Variants in MAGI2 observed in about 807,000 individuals in gnomAD.
MAGI2 encodes the protein membrane associated guanylate kinase, WW and PDZ domain containing 2, also known as membrane-associated guanylate kinase, WW and PDZ domain-containing protein 2.
A neutral mutation model predicts 133.3 loss-of-function variants in MAGI2; 35 were observed. That is an observed-to-expected ratio of 0.26 (90% CI 0.20 to 0.35). The LOEUF (loss-of-function observed/expected upper bound fraction) is 0.35, where lower values mean the gene tolerates loss of function less well. Ranked by LOEUF, MAGI2 falls within the 10% of genes least tolerant of loss-of-function variation. The probability of loss-of-function intolerance (pLI) is 1.00; values close to 1 mark genes in which losing one functional copy is unlikely to be tolerated. For synonymous variants in MAGI2, 729 were observed against 710.6 expected (o/e 1.03, Z -0.41); for missense variants, 1,636 against 1,863.4 (o/e 0.88, Z 2.25).
chr7:78,999,695 C>T (rs1806662910), intron 2 of MAGI2, among the ~76,000 whole-genome samples: 1 of 152,106 alleles, frequency 6.6e-6, no homozygotes, highest in Non-Finnish European at 1.5e-5. Context: ...CAAGTATATG[C>T]TACTGTTTAG....
chr7:78,224,969 C>G (rs947697023), intron 10 of MAGI2, among the ~76,000 whole-genome samples: 1 of 152,086 alleles, frequency 6.6e-6, no homozygotes, highest in Non-Finnish European at 1.5e-5. Context: ...CTGCTACCCC[C>G]GCCTTCCCTC....
intron 21 of MAGI2, among the ~76,000 whole-genome samples, chr7:78,068,933 A>C (rs1814143301): frequency 6.6e-6 from 1 of 152,228 alleles, no homozygotes; most frequent in Non-Finnish European, 1.5e-5. Flanking sequence ...TGGAGAAAAC[A>C]GCTTTGGCAT....
chr7:78,134,576 G>A (rs542625208), intron 17 of MAGI2: 1 of 157,098 alleles, frequency 6.4e-6, no homozygotes, highest in East Asian at 1.9e-4. Flanking sequence ...TTCTAAATGA[G>A]CTCTCCTTAT....
At chr7:78,699,387 C>A (rs1459259882) in intron 2 of MAGI2, among the ~76,000 whole-genome samples, 2 of 152,154 alleles carry the variant, frequency 1.3e-5, no homozygotes, top group Non-Finnish European at 2.9e-5. Flanking sequence ...TAGTGTGAGC[C>A]ACCACATCTG....
chr7:78,850,465 A>G (rs1051608028), intron 2 of MAGI2, among the ~76,000 whole-genome samples: 5 of 152,252 alleles, frequency 3.3e-5, no homozygotes, highest in African/African-American at 9.6e-5. Flanking sequence ...GTTTGCTCCA[A>G]GTTTTGCTAA....
intron 2 of MAGI2, among the ~76,000 whole-genome samples, chr7:78,789,896 A>G (rs961333915): frequency 4.6e-5 from 7 of 152,172 alleles, no homozygotes; most frequent in African/African-American, 1.7e-4. Flanking sequence ...CCATTTTGAA[A>G]TAAAATGAAA....
chr7:79,344,674 T>C (rs529637246), intron 1 of MAGI2, among the ~76,000 whole-genome samples: 3 of 152,310 alleles, frequency 2.0e-5, no homozygotes, highest in East Asian at 1.9e-4. Flanking sequence ...CAGTATTAAA[T>C]GGCAGGGATG....
intron 9 of MAGI2, among the ~76,000 whole-genome samples, chr7:78,326,864 T>C (rs556212607): frequency 2.0e-5 from 3 of 152,264 alleles, no homozygotes; most frequent in Admixed American, 2.0e-4. Flanking sequence ...ATCACTGCCT[T>C]TCCCCTCCCT....
intron 3 of MAGI2, among the ~76,000 whole-genome samples, chr7:78,573,341 T>A (rs1214435553): frequency 1.5e-5 from 1 of 68,726 alleles, no homozygotes; most frequent in Non-Finnish European, 2.4e-5. Context: ...TAAATATATA[T>A]ATATAGAGAG....
intron 2 of MAGI2, among the ~76,000 whole-genome samples, chr7:78,813,106 C>T (rs1169295113): frequency 6.6e-6 from 1 of 152,136 alleles, no homozygotes; most frequent in Non-Finnish European, 1.5e-5. Flanking sequence ...CAGATGGTTT[C>T]ACGGGCAAAT....
At chr7:78,064,457 G>A (rs1407355881) in intron 21 of MAGI2, among the ~76,000 whole-genome samples, 2 of 151,986 alleles carry the variant, frequency 1.3e-5, no homozygotes, top group Non-Finnish European at 2.9e-5. Flanking sequence ...TGTCTTTTAT[G>A]TTAAATTCTA....
intron 6 of MAGI2, among the ~76,000 whole-genome samples, chr7:78,472,795 G>C (rs1791356096): frequency 6.6e-6 from 1 of 152,100 alleles, no homozygotes; most frequent in Non-Finnish European, 1.5e-5. Flanking sequence ...TTCAGTTTCT[G>C]CTTATGATAG....
chr7:78,353,403 G>A (rs145670458), intron 7 of MAGI2, among the ~76,000 whole-genome samples: 128 of 152,324 alleles, frequency 8.4e-4, no homozygotes, highest in African/African-American at 2.9e-3. Context: ...TGCTCCAGTG[G>A]GGGAGACACA....
chr7:78,969,921 C>G (rs775547539), intron 2 of MAGI2, among the ~76,000 whole-genome samples: 1 of 151,936 alleles, frequency 6.6e-6, no homozygotes, highest in African/African-American at 2.4e-5. Flanking sequence ...TACCAATATC[C>G]TCACTTTAAA....
intron 9 of MAGI2, among the ~76,000 whole-genome samples, chr7:78,326,213 C>T (rs113607814): frequency 6.6e-6 from 1 of 152,204 alleles, no homozygotes; most frequent in African/African-American, 2.4e-5. Context: ...CATGTGCCTG[C>T]TGAATAAAGG....
At chr7:78,815,739 C>G (rs1353157557) in intron 2 of MAGI2, among the ~76,000 whole-genome samples, 2 of 152,150 alleles carry the variant, frequency 1.3e-5, no homozygotes, top group Non-Finnish European at 2.9e-5. Context: ...TTGCTTAAGA[C>G]AGCAAAATTA....
intron 21 of MAGI2, among the ~76,000 whole-genome samples, chr7:78,038,482 A>C (rs1406990175): frequency 6.6e-6 from 1 of 152,192 alleles, no homozygotes; most frequent in Non-Finnish European, 1.5e-5. Context: ...TGCTTTGTAA[A>C]ATTTGCAGGA....
At chr7:78,438,699 G>C (rs1475503584) in intron 6 of MAGI2, among the ~76,000 whole-genome samples, 3 of 152,120 alleles carry the variant, frequency 2.0e-5, no homozygotes, top group African/African-American at 7.2e-5. Flanking sequence ...AGCTGGTACT[G>C]TTTACTCACT....
chr7:78,921,170 T>C (rs1008010239), intron 2 of MAGI2, among the ~76,000 whole-genome samples: 4 of 152,102 alleles, frequency 2.6e-5, no homozygotes, highest in African/African-American at 9.7e-5. Flanking sequence ...CCACTCTCTC[T>C]CTGGGGAAGT....
Sources: allele counts gnomAD v4.1 joint callset (sites outside exome capture counted in the v4.1 genomes callset), GRCh38; gene constraint gnomAD v4.1.1; transcripts MANE v1.5; gene names NCBI Gene and HGNC (gene_info 2026-07-23, HGNC 2026-07-21).